TRPM3: variants seen among roughly 807,000 people sequenced by gnomAD.
TRPM3 encodes long transient receptor potential channel 3.
A neutral mutation model predicts 181.2 loss-of-function variants in TRPM3; 77 were observed. The ratio of observed to expected loss-of-function variants is 0.42; its 90% confidence interval spans 0.35 to 0.51. TRPM3 has a LOEUF of 0.51. Among genes scored for constraint, TRPM3 ranks in the 20% least tolerant of loss-of-function variants. The probability of loss-of-function intolerance (pLI) is 0.01; values close to 1 mark genes in which losing one functional copy is unlikely to be tolerated. For synonymous variants in TRPM3, 745 were observed against 796.4 expected (o/e 0.94, Z 1.09); for missense variants, 1,759 against 2,196.7 (o/e 0.80, Z 3.98).
chr9:71,338,567 T>A (rs140217951), intron 1 of TRPM3, among the ~76,000 whole-genome samples: 420 of 152,174 alleles, frequency 2.8e-3, no homozygotes, highest in African/African-American at 9.6e-3. Flanking sequence ...GATGAATGTA[T>A]GAGTAATGAG....
At chr9:71,378,354 ATACAACCACTTTGTAAATTGG>A (rs1490181164) in intron 1 of TRPM3, among the ~76,000 whole-genome samples, 1 of 152,090 alleles carries the variant, frequency 6.6e-6, no homozygotes, top group Admixed American at 6.6e-5. Context: ...TATACTATGG[ATACAACCACTTTGTAAATTGG>A]TACAACCACT....
chr9:71,418,110 A>G (rs919902699), intron 1 of TRPM3, among the ~76,000 whole-genome samples: 2 of 151,900 alleles, frequency 1.3e-5, no homozygotes, highest in African/African-American at 4.8e-5. Flanking sequence ...TTAAAATAAT[A>G]ATAATAATAG....
intron 6 of TRPM3, among the ~76,000 whole-genome samples, chr9:70,816,844 G>A (rs186712772): frequency 6.6e-6 from 1 of 152,298 alleles, no homozygotes; most frequent in East Asian, 1.9e-4. Flanking sequence ...ACTAAACCAG[G>A]ATGGTCTAAA....
chr9:70,701,196 C>T (rs1042749580), intron 8 of TRPM3, among the ~76,000 whole-genome samples: 5 of 152,198 alleles, frequency 3.3e-5, no homozygotes, highest in Admixed American at 6.5e-5. Flanking sequence ...ACACATCTAT[C>T]TTCCTAGACA....
intron 1 of TRPM3, among the ~76,000 whole-genome samples, chr9:71,166,686 C>T (rs1409431475): frequency 6.6e-6 from 1 of 152,112 alleles, no homozygotes; most frequent in Non-Finnish European, 1.5e-5. Flanking sequence ...ATTTCATGGC[C>T]ATGTAGTCTT....
At chr9:70,681,154 A>G (rs1436748448) in intron 9 of TRPM3, among the ~76,000 whole-genome samples, 1 of 152,162 alleles carries the variant, frequency 6.6e-6, no homozygotes, top group East Asian at 1.9e-4. Flanking sequence ...ACTCACACAT[A>G]TGCCATATCA....
At chr9:71,324,717 A>T (rs189117064) in intron 1 of TRPM3, among the ~76,000 whole-genome samples, 46 of 152,254 alleles carry the variant, frequency 3.0e-4, no homozygotes, top group Non-Finnish European at 1.3e-4. Context: ...GAACCAACCT[A>T]AGTGTCGACT....
chr9:71,040,155 A>G (rs2058665495), intron 1 of TRPM3, among the ~76,000 whole-genome samples: 1 of 152,182 alleles, frequency 6.6e-6, no homozygotes, highest in African/African-American at 2.4e-5. Context: ...AATCTTACAC[A>G]AACAAGTTTA....
chr9:71,119,237 C>T (rs1453136623), intron 1 of TRPM3, among the ~76,000 whole-genome samples: 1 of 152,090 alleles, frequency 6.6e-6, no homozygotes, highest in Non-Finnish European at 1.5e-5. Context: ...AAAAGTTCTC[C>T]AGTAAGGTTC....
intron 1 of TRPM3, among the ~76,000 whole-genome samples, chr9:70,998,297 C>T (rs1180896668): frequency 6.7e-6 from 1 of 148,814 alleles, no homozygotes. Context: ...CCTGACATAA[C>T]CTCTTTTACC....
intron 1 of TRPM3, among the ~76,000 whole-genome samples, chr9:71,099,458 C>T (rs1001035828): frequency 6.6e-6 from 1 of 152,174 alleles, no homozygotes; most frequent in Non-Finnish European, 1.5e-5. Context: ...AGAGCTCTCT[C>T]ACGTCTCACC....
At position 70,808,281 on chromosome 9, in the gene TRPM3, A is replaced by T. The variant is rs145672435; in HGVS notation, c.973+19566T>A. 3.7e-3 allele frequency among the ~76,000 whole-genome samples: 557 copies of T among 152,268 alleles called. 4 individuals carry two copies. Among genetic ancestry groups the T allele is most frequent in the African/African-American group, 0.013 (522 of 41,524 alleles). On this transcript the variant is annotated intron_variant, in intron 6 of 25. Transcript: ENST00000677713. ...TCTTTCTAATCTGAAAAGGGAGCTC[A>T]AAATTCTTCCCTGAATGTAAAAGTG...
At chr9:71,064,233 A>G (rs1253744611) in intron 1 of TRPM3, among the ~76,000 whole-genome samples, 2 of 152,008 alleles carry the variant, frequency 1.3e-5, no homozygotes, top group Non-Finnish European at 2.9e-5. Flanking sequence ...AGTTTTTCAG[A>G]TTTTTATGTT....
In TRPM3 at chr9:70,625,480, AC is replaced by A; in HGVS notation, c.1668+1del. 6.2e-7 allele frequency: 1 copy of A among 1,609,798 alleles called. No individual in the cohort carries two copies. Among genetic ancestry groups the A allele is most frequent in the Admixed American group, 1.7e-5 (1 of 59,268 alleles). ...TATTATTATGCTGGTTAATTAATTC[AC>A]CTTAAAATAGATCCAACCGAAACCT... On this transcript the variant is annotated splice_donor_variant, in intron 13 of 25. Transcript: ENST00000677713. LOFTEE classifies it high-confidence loss of function. The surrounding 1 kb of genome is among the most constrained non-coding windows in gnomAD (Gnocchi z 4.8).
At chr9:71,169,949 C>T (rs892736278) in intron 1 of TRPM3, among the ~76,000 whole-genome samples, 8 of 142,398 alleles carry the variant, frequency 5.6e-5, no homozygotes, top group African/African-American at 7.9e-5. Context: ...TTCAGTGAGC[C>T]GAGATCATGC....
chr9:71,044,912 C>T (rs541701497), intron 1 of TRPM3, among the ~76,000 whole-genome samples: 54 of 152,134 alleles, frequency 3.5e-4, no homozygotes, highest in African/African-American at 1.3e-3. Context: ...ACCTCGTGAT[C>T]CACCCGCCTC....
At chr9:71,417,141 G>A (rs1046247548) in intron 1 of TRPM3, among the ~76,000 whole-genome samples, 1 of 151,896 alleles carries the variant, frequency 6.6e-6, no homozygotes, top group Admixed American at 6.6e-5. Flanking sequence ...GTGACAGTCC[G>A]TGTGGTCATA....
intron 6 of TRPM3, among the ~76,000 whole-genome samples, chr9:70,816,506 A>G (rs1032791516): frequency 6.6e-6 from 1 of 152,182 alleles, no homozygotes; most frequent in Non-Finnish European, 1.5e-5. Flanking sequence ...AGGCCCAGTT[A>G]TAACCTTTTT....
intron 1 of TRPM3, among the ~76,000 whole-genome samples, chr9:70,894,708 T>A (rs940080593): frequency 6.6e-6 from 1 of 152,192 alleles, no homozygotes; most frequent in African/African-American, 2.4e-5. Flanking sequence ...TGGGCTGTCA[T>A]ACAGAATTGC....
Sources: gnomAD v4.1 joint callset for allele counts (sites outside exome capture counted in the v4.1 genomes callset) on GRCh38, gnomAD v4.1.1 for gene constraint, Gnocchi (gnomAD v3.1) non-coding constraint, MANE v1.5 for transcripts, NCBI Gene and HGNC (gene_info 2026-07-23, HGNC 2026-07-21) for gene names.